Variants in UBTD2 observed in about 807,000 individuals in gnomAD.
UBTD2 encodes ubiquitin domain containing 2.
A neutral mutation model predicts 19.8 loss-of-function variants in UBTD2; 9 were observed. That is an observed-to-expected ratio of 0.46 (90% confidence interval 0.27 to 0.79). The LOEUF (loss-of-function observed/expected upper bound fraction) is 0.79, where lower values mean the gene tolerates loss of function less well. UBTD2 is among the 30% of genes least tolerant of loss of function. The probability of loss-of-function intolerance (pLI) is 0.14; values close to 1 mark genes in which losing one functional copy is unlikely to be tolerated. For synonymous variants in UBTD2, 98 were observed against 103.9 expected (o/e 0.94, Z 0.35); for missense variants, 250 against 300.4 (o/e 0.83, Z 1.24).
intron 1 of UBTD2, among the ~76,000 whole-genome samples, chr5:172,251,919 G>A (rs947291231): frequency 6.6e-6 from 1 of 152,200 alleles, no homozygotes; most frequent in Non-Finnish European, 1.5e-5. Context: ...ACCTGGGTAG[G>A]ATGGAAAGGA....
In UBTD2 at chr5:172,222,560, A is replaced by T. The variant is rs550636065; in HGVS notation, c.308-10333T>A. 2.0e-5 allele frequency among the ~76,000 whole-genome samples: 3 copies of T among 152,368 alleles called. No homozygotes were observed. The South Asian group carries it at 6.2e-4, about 32-fold the overall frequency. On this transcript the variant is annotated intron_variant, in intron 2 of 2. Coordinates refer to ENST00000393792, the MANE Select transcript of UBTD2 (RefSeq NM_152277.3). Reference sequence around the variant, plus strand: ...CAATGAAAATCAAACACACGTGCTGAGACATCGCAGAACAGAAAAGTGACT... The same window carrying T: ...CAATGAAAATCAAACACACGTGCTGTGACATCGCAGAACAGAAAAGTGACT...
At chr5:172,249,597 C>T (rs893924726) in intron 1 of UBTD2, among the ~76,000 whole-genome samples, 2 of 152,140 alleles carry the variant, frequency 1.3e-5, no homozygotes, top group African/African-American at 4.8e-5. Flanking sequence ...GGTGCACACC[C>T]TCATAGCCCC....
At chr5:172,273,256 G>A (rs991796603) in intron 1 of UBTD2, among the ~76,000 whole-genome samples, 1 of 151,192 alleles carries the variant, frequency 6.6e-6, no homozygotes, top group South Asian at 2.1e-4. Context: ...AATTGGAGAT[G>A]AAAACATCCT....
intron 1 of UBTD2, among the ~76,000 whole-genome samples, chr5:172,251,413 A>C (rs1755015523): frequency 6.6e-6 from 1 of 150,406 alleles, no homozygotes; most frequent in Admixed American, 6.7e-5. Context: ...TATAGTGTCC[A>C]ATCATATTCA....
At position 172,283,732 on chromosome 5, in the gene UBTD2, A is replaced by G. The variant is rs1755775003; in HGVS notation, c.-67T>C. On this transcript the variant is annotated 5_prime_UTR_variant, in exon 1 of 3. Coordinates refer to ENST00000393792, the MANE Select transcript of UBTD2 (RefSeq NM_152277.3). This position sits in a 1 kb window ranked among gnomAD's most constrained non-coding sequence, Gnocchi z 4.3. ...CCGGGCCCGCCGCCGCCGCCGCTGCAGCCTCCTCCGGCGCCACCGCCGAGC... is the reference window on the plus strand; with the variant it reads ...CCGGGCCCGCCGCCGCCGCCGCTGCGGCCTCCTCCGGCGCCACCGCCGAGC... 8.9e-7 allele frequency: 1 copy of G among 1,127,200 alleles called. No homozygotes were observed. The highest frequency in any genetic ancestry group is 3.9e-5 in the East Asian group (1 of 25,830). The allele number at this position is 1,127,200 out of a possible 1,614,324, so 69.8% of individuals were successfully genotyped here.
chr5:172,251,332 T>G (rs1485342235), intron 1 of UBTD2, among the ~76,000 whole-genome samples: 2 of 104,916 alleles, frequency 1.9e-5, no homozygotes, highest in Admixed American at 1.9e-4. Flanking sequence ...AAAAAGAAAA[T>G]AGCCACTAAA....
rs552551099 is a variant in UBTD2 at position 172,235,818 on chromosome 5, TAGAA to T, written c.71-1464_71-1461del. 1.8e-3 allele frequency among the ~76,000 whole-genome samples: 280 copies of T among 152,164 alleles called. 1 individual carries two copies. Among genetic ancestry groups the T allele is most frequent in the African/African-American group, 6.3e-3 (263 of 41,488 alleles). ...ATAGTTTGATAGATGGGATAGAAGATAGAAAGAAAATTGAAGCTGGATGAAAAGA... is the reference window on the plus strand; with the variant it reads ...ATAGTTTGATAGATGGGATAGAAGATAGAAAATTGAAGCTGGATGAAAAGA... On this transcript the variant is annotated intron_variant, in intron 1 of 2. Coordinates refer to ENST00000393792, the MANE Select transcript of UBTD2 (RefSeq NM_152277.3).
intron 1 of UBTD2, among the ~76,000 whole-genome samples, chr5:172,261,974 C>T (rs1457857496): frequency 6.6e-6 from 1 of 152,106 alleles, no homozygotes; most frequent in African/African-American, 2.4e-5. Flanking sequence ...CCAAAAACTC[C>T]CACCATCTGT....
At chr5:172,265,099 G>A (rs1755348533) in intron 1 of UBTD2, among the ~76,000 whole-genome samples, 1 of 152,176 alleles carries the variant, frequency 6.6e-6, no homozygotes, top group African/African-American at 2.4e-5. Context: ...TCCAAAGCAA[G>A]TCAAGTCACC....
intron 2 of UBTD2, among the ~76,000 whole-genome samples, chr5:172,215,772 G>T (rs78018024): frequency 0.051 from 7,778 of 152,158 alleles, 623 homozygotes; most frequent in African/African-American, 0.17. Flanking sequence ...AAATGCTAGA[G>T]AACAAAACCA....
intron 1 of UBTD2, among the ~76,000 whole-genome samples, chr5:172,266,303 T>A (rs1344669207): frequency 6.6e-6 from 1 of 152,198 alleles, no homozygotes; most frequent in African/African-American, 2.4e-5. Flanking sequence ...AAGCTGTGTG[T>A]GAGTCACTGG....
chr5:172,251,465 CA>C (rs59810255), intron 1 of UBTD2, among the ~76,000 whole-genome samples: 5,877 of 91,658 alleles, frequency 0.064, 75 homozygotes, highest in Middle Eastern at 0.11. Context: ...TCAAACTGTC[CA>C]AAAAAAAAAA....
At chr5:172,255,099 C>T in intron 1 of UBTD2, 2 of 488,338 alleles carry the variant, frequency 4.1e-6, no homozygotes, top group Non-Finnish European at 8.0e-6. Flanking sequence ...AGGCTGCCAG[C>T]CTGGAGAAGG....
intron 2 of UBTD2, 151 bp from the exon 3 acceptor site, chr5:172,212,378 A>G (rs949981861): frequency 1.2e-6 from 1 of 838,696 alleles, no homozygotes; most frequent in Non-Finnish European, 1.8e-6. Context: ...ATCAAATCCC[A>G]TGCCCAATTA....
chr5:172,216,631 G>T (rs1457185302), intron 2 of UBTD2, among the ~76,000 whole-genome samples: 2 of 142,924 alleles, frequency 1.4e-5, no homozygotes, highest in Non-Finnish European at 3.1e-5. Context: ...CCAGAGGGGG[G>T]AAAAAACAGC....
intron 1 of UBTD2, among the ~76,000 whole-genome samples, chr5:172,261,269 A>C (rs1271423487): frequency 2.6e-5 from 4 of 152,154 alleles, no homozygotes; most frequent in African/African-American, 9.7e-5. Flanking sequence ...CCTTCAACTT[A>C]CCCCTTGGGA....
chr5:172,281,759 T>C (rs1012337097), intron 1 of UBTD2, among the ~76,000 whole-genome samples: 1 of 152,178 alleles, frequency 6.6e-6, no homozygotes, highest in African/African-American at 2.4e-5. Context: ...AATAATCCTT[T>C]TAGTACAAGA....
At chr5:172,224,317 T>G (rs1771718377) in intron 2 of UBTD2, among the ~76,000 whole-genome samples, 1 of 129,448 alleles carries the variant, frequency 7.7e-6, no homozygotes, top group South Asian at 2.4e-4. Context: ...TTTTTTTTTT[T>G]GAGACAGAAT....
chr5:172,271,498 C>T (rs1022144975), intron 1 of UBTD2, among the ~76,000 whole-genome samples: 1 of 151,836 alleles, frequency 6.6e-6, no homozygotes, highest in Non-Finnish European at 1.5e-5. Context: ...GACCCTGCCC[C>T]CCACTCCTCC....
Sources: allele counts gnomAD v4.1 joint callset (sites outside exome capture counted in the v4.1 genomes callset), GRCh38; gene constraint gnomAD v4.1.1; non-coding constraint Gnocchi (gnomAD v3.1); transcripts MANE v1.5; gene names NCBI Gene and HGNC (gene_info 2026-07-23, HGNC 2026-07-21).